Variants in TOR1AIP2 observed in about 807,000 individuals in gnomAD.
TOR1AIP2 encodes the protein torsin-1A-interacting protein 2.
Under a neutral mutation model 32.6 loss-of-function variants are expected in TOR1AIP2, and 20 were observed. The ratio of observed to expected loss-of-function variants is 0.61; its 90% confidence interval spans 0.43 to 0.89. The LOEUF is 0.89. TOR1AIP2 is among the 40% of genes least tolerant of loss of function. The probability of loss-of-function intolerance (pLI) is 0.00; values close to 1 mark genes in which losing one functional copy is unlikely to be tolerated. For missense variants in TOR1AIP2, 456 were observed against 553.8 expected, an observed-to-expected ratio of 0.82 and a Z score of 1.77; for synonymous variants, 214 against 210.8, an observed-to-expected ratio of 1.02 and a Z score of -0.13.
chr1:179,857,285 A>G (rs528022226), intron 3 of TOR1AIP2, among the ~76,000 whole-genome samples: 1 of 152,318 alleles, frequency 6.6e-6, no homozygotes, highest in African/African-American at 2.4e-5. Context: ...AGTCATTTCC[A>G]CTTCCTTGTG....
At chr1:179,850,038 C>T (rs1053193727) in intron 5 of TOR1AIP2, among the ~76,000 whole-genome samples, 4 of 152,200 alleles carry the variant, frequency 2.6e-5, no homozygotes, top group Non-Finnish European at 4.4e-5. Flanking sequence ...TTTGCACTGG[C>T]AAATGGGCAT....
chr1:179,876,743 A>G (rs1647344013), intron 2 of TOR1AIP2, among the ~76,000 whole-genome samples: 2 of 152,216 alleles, frequency 1.3e-5, no homozygotes. Context: ...ACCTAAAGAC[A>G]GGTAAAACAA....
chr1:179,862,844 C>T (rs1388827457), intron 3 of TOR1AIP2: 1 of 159,336 alleles, frequency 6.3e-6, no homozygotes, highest in Non-Finnish European at 1.3e-5. Flanking sequence ...AGGAGAATTG[C>T]TTGAACCTAG....
At chr1:179,847,982 G>A (rs1301585662) in intron 5 of TOR1AIP2, among the ~76,000 whole-genome samples, 6 of 146,452 alleles carry the variant, frequency 4.1e-5, no homozygotes, top group Admixed American at 6.9e-5. Context: ...GCAGTGAGCC[G>A]ACATCGTGCC....
chr1:179,860,406 CAGA>C (rs1696475068), intron 3 of TOR1AIP2: 12 of 935,038 alleles, frequency 1.3e-5, no homozygotes, highest in Non-Finnish European at 1.5e-5. Flanking sequence ...CACTTGAGCC[CAGA>C]AGGTCAAGGC....
At chr1:179,847,405 C>T in intron 6 of TOR1AIP2, 130 bp downstream of exon 6, 2 of 712,466 alleles carry the variant, frequency 2.8e-6, no homozygotes, top group Non-Finnish European at 5.0e-6. Flanking sequence ...CTATGTCTCA[C>T]TACCAATCAT....
intron 3 of TOR1AIP2, chr1:179,865,043 C>G: frequency 6.2e-7 from 1 of 1,614,048 alleles, no homozygotes; most frequent in South Asian, 1.1e-5. Flanking sequence ...ATAATCAGCT[C>G]TGTTAATACG....
At chr1:179,857,906 C>T (rs1696367924) in intron 3 of TOR1AIP2, among the ~76,000 whole-genome samples, 1 of 152,146 alleles carries the variant, frequency 6.6e-6, no homozygotes, top group Non-Finnish European at 1.5e-5. Context: ...ACCTTCACAA[C>T]ACTTCGAGAG....
chr1:179,849,830 G>T (rs2148426819), intron 5 of TOR1AIP2, among the ~76,000 whole-genome samples: 1 of 152,340 alleles, frequency 6.6e-6, no homozygotes. Context: ...ATTCATAAAG[G>T]TGTTTCTATG....
intron 2 of TOR1AIP2, among the ~76,000 whole-genome samples, chr1:179,873,424 A>G (rs796576164): frequency 6.6e-6 from 1 of 152,238 alleles, no homozygotes; most frequent in South Asian, 2.1e-4. Flanking sequence ...GGCAAGAATA[A>G]CAAACGTCAC....
At chr1:179,861,168 TATAAAA>T (rs1253971602) in intron 3 of TOR1AIP2, 4 of 985,322 alleles carry the variant, frequency 4.1e-6, no homozygotes, top group East Asian at 2.3e-4. Context: ...TCTTCCACAC[TATAAAA>T]ATAGAGACGA....
chr1:179,872,107 G>T (rs1468608990), intron 2 of TOR1AIP2, among the ~76,000 whole-genome samples: 1 of 152,170 alleles, frequency 6.6e-6, no homozygotes, highest in African/African-American at 2.4e-5. Context: ...TTAGAAAATA[G>T]CTGCAGAATG....
At chr1:179,864,323 T>C in intron 3 of TOR1AIP2, 1 of 987,126 alleles carries the variant, frequency 1.0e-6, no homozygotes, top group Non-Finnish European at 1.2e-6. Context: ...AAGAGGTGAG[T>C]TTACAACAGT....
chr1:179,865,924 T>C (rs1172524294), intron 2 of TOR1AIP2, 70 bp from the exon 3 acceptor site: 2 of 152,604 alleles, frequency 1.3e-5, no homozygotes, highest in East Asian at 1.9e-4. Context: ...GAAACATGCA[T>C]TTGGAAATTA....
intron 3 of TOR1AIP2, chr1:179,864,988 A>G: frequency 6.2e-7 from 1 of 1,614,064 alleles, no homozygotes; most frequent in Non-Finnish European, 8.5e-7. Context: ...ACCAAGGAAG[A>G]ACAAGGCTTC....
intron 5 of TOR1AIP2, among the ~76,000 whole-genome samples, chr1:179,850,162 A>G (rs546327184): frequency 6.6e-6 from 1 of 151,748 alleles, no homozygotes; most frequent in Non-Finnish European, 1.5e-5. Context: ...TTCATTTTAC[A>G]AACAGGAAAT....
Position 179,845,267 on chromosome 1 carries a change from C to G in TOR1AIP2, c.*804G>C, listed in dbSNP as rs1695856709. On this transcript the variant is annotated 3_prime_UTR_variant, in exon 7 of 7. Transcript: ENST00000609928. ...CCCCAACATATAAAACAGTTAAAAGCAGAACTGCTCTGATACAAAGGGGAA... is the reference window on the plus strand; with the variant it reads ...CCCCAACATATAAAACAGTTAAAAGGAGAACTGCTCTGATACAAAGGGGAA... 1 of 152,126 alleles carries G rather than the reference C, an allele frequency of 6.6e-6. No individual in the cohort carries two copies. Among genetic ancestry groups the G allele is most frequent in the African/African-American group, 2.4e-5 (1 of 41,434 alleles). The allele number at this position is 152,126 out of a possible 1,614,324, so 9.4% of individuals were successfully genotyped here. A position where few individuals can be genotyped will look rare whatever the true frequency, so the allele number is the denominator to read the frequency against.
Position 179,851,119 on chromosome 1 carries a change from A to C in TOR1AIP2, c.279T>G (p.Ser93Arg). 1.2e-6 allele frequency: 2 copies of C among 1,612,526 alleles called. No homozygotes were observed. The highest frequency in any genetic ancestry group is 1.7e-6 in the Non-Finnish European group (2 of 1,179,716). ...GATGCCCTTTTCCGCCATCCAGAAA[A>C]CTCTGCTTGTTCTCATCTTCTGTTT... is the stretch of plus-strand genomic sequence containing the variant. ...KDKTEDENKQ[S>R]FLDGGKGHHL... Residue 93 changes from serine to arginine, a missense_variant, in exon 5 of 7, where the codon AGT becomes AGG. Physicochemically the swap from Ser to Arg is moderately radical, Grantham distance 110. Coordinates refer to ENST00000609928, the MANE Select transcript of TOR1AIP2 (RefSeq NM_001199260.2).
In TOR1AIP2 at chr1:179,844,027, G is replaced by A. The variant is rs960883670; in HGVS notation, c.*2044C>T. ...ACTGAATGAAGAAACAAGAATATGC[G>A]ACATACTGGTTCCTTGACAGATCTG... On this transcript the variant is annotated 3_prime_UTR_variant, in exon 7 of 7. Coordinates refer to ENST00000609928, the MANE Select transcript of TOR1AIP2 (RefSeq NM_001199260.2). The A allele has an allele frequency of 6.6e-6, 1 of 152,058 alleles. No homozygotes were observed. The highest frequency in any genetic ancestry group is 1.5e-5 in the Non-Finnish European group (1 of 68,024). The allele number at this position is 152,058 out of a possible 1,614,324, so 9.4% of individuals were successfully genotyped here.
Sources: allele counts gnomAD v4.1 joint callset (sites outside exome capture counted in the v4.1 genomes callset), GRCh38; gene constraint gnomAD v4.1.1; transcripts MANE v1.5; gene names NCBI Gene and HGNC (gene_info 2026-07-23, HGNC 2026-07-21).